C12orf75: variants seen among roughly 807,000 people sequenced by gnomAD.
C12orf75 encodes the protein overexpressed in colon carcinoma 1 protein.
In C12orf75, 4 loss-of-function variants were observed where a neutral mutation model predicts 11.4. That is an observed-to-expected ratio of 0.35 (90% CI 0.17 to 0.80). The LOEUF (loss-of-function observed/expected upper bound fraction) is 0.80. Ranked by LOEUF, C12orf75 falls within the 30% of genes least tolerant of loss-of-function variation. The pLI is 0.52. For synonymous variants in C12orf75, 30 were observed against 30.0 expected (o/e 1.00, Z 0.00); for missense variants, 89 against 80.4 (o/e 1.11, Z -0.41).
chr12:105,361,980 C>T (rs562058245), intron 2 of C12orf75, among the ~76,000 whole-genome samples: 5 of 152,278 alleles, frequency 3.3e-5, no homozygotes, highest in East Asian at 3.9e-4. Flanking sequence ...ACAAGATCTG[C>T]GAAGATTGAT....
intron 2 of C12orf75, among the ~76,000 whole-genome samples, chr12:105,352,622 A>C: frequency 6.6e-6 from 1 of 152,056 alleles, no homozygotes; most frequent in Non-Finnish European, 1.5e-5. Context: ...GTCTTTTTTT[A>C]AAAATTATTT....
At chr12:105,341,151 A>G (rs756920494) in intron 1 of C12orf75, among the ~76,000 whole-genome samples, 3 of 152,250 alleles carry the variant, frequency 2.0e-5, no homozygotes, top group Admixed American at 6.5e-5. Flanking sequence ...ATTAAACTGT[A>G]TACCTGGAGT....
intron 1 of C12orf75, among the ~76,000 whole-genome samples, chr12:105,343,979 A>T (rs1355286592): frequency 6.6e-6 from 1 of 152,070 alleles, no homozygotes; most frequent in Non-Finnish European, 1.5e-5. Flanking sequence ...TTTAGAACAG[A>T]GGGAATGGTC....
intron 1 of C12orf75, among the ~76,000 whole-genome samples, chr12:105,338,134 T>A (rs1892519166): frequency 6.6e-6 from 1 of 152,190 alleles, no homozygotes; most frequent in Non-Finnish European, 1.5e-5. Flanking sequence ...GTGCACTAAC[T>A]TATGCCTGTA....
chr12:105,361,324 C>G (rs1331470548), intron 2 of C12orf75, among the ~76,000 whole-genome samples: 5 of 152,156 alleles, frequency 3.3e-5, no homozygotes, highest in Non-Finnish European at 5.9e-5. Flanking sequence ...ATGTTGATTC[C>G]TTAAAATGGT....
chr12:105,345,177 C>A (rs1892622854), intron 1 of C12orf75, among the ~76,000 whole-genome samples: 1 of 152,008 alleles, frequency 6.6e-6, no homozygotes, highest in Non-Finnish European at 1.5e-5. Flanking sequence ...AGTAAGATAC[C>A]AACATGACAG....
intron 2 of C12orf75, among the ~76,000 whole-genome samples, chr12:105,354,949 TC>T (rs1267114947): frequency 1.3e-5 from 2 of 151,996 alleles, no homozygotes; most frequent in Admixed American, 1.3e-4. Flanking sequence ...AAAGCAGCCT[TC>T]TTGGGAATGA....
intron 1 of C12orf75, among the ~76,000 whole-genome samples, chr12:105,346,360 C>G (rs1374283025): frequency 1.3e-5 from 2 of 152,184 alleles, no homozygotes. Flanking sequence ...TTGATTGAGA[C>G]CTATCTCAAT....
At chr12:105,366,442 C>T in intron 3 of C12orf75, 175 bp from the exon 4 acceptor site, 1 of 399,046 alleles carries the variant, frequency 2.5e-6, no homozygotes, top group Admixed American at 4.2e-5. Flanking sequence ...AAAATAGCTT[C>T]TTTTTAACCT....
intron 1 of C12orf75, among the ~76,000 whole-genome samples, chr12:105,338,857 A>G (rs1204351713): frequency 6.6e-6 from 1 of 152,176 alleles, no homozygotes; most frequent in African/African-American, 2.4e-5. Flanking sequence ...AACACCTCCC[A>G]TTAGACCCCA....
chr12:105,353,538 T>G (rs1365909742), intron 2 of C12orf75: 1 of 152,012 alleles, frequency 6.6e-6, no homozygotes, highest in Admixed American at 6.5e-5. Context: ...GAGGGGTGAT[T>G]CCCCACGGAA....
chr12:105,346,640 A>C (rs1021478144), intron 1 of C12orf75, among the ~76,000 whole-genome samples: 3 of 152,252 alleles, frequency 2.0e-5, no homozygotes, highest in African/African-American at 7.2e-5. Flanking sequence ...GAAAGGAACT[A>C]AGATTATTAC....
At chr12:105,343,096 C>G (rs1892593540) in intron 1 of C12orf75, among the ~76,000 whole-genome samples, 1 of 152,124 alleles carries the variant, frequency 6.6e-6, no homozygotes, top group African/African-American at 2.4e-5. Context: ...GAGAACAAAC[C>G]TTTCCCCTCT....
Position 105,370,811 on chromosome 12 carries a change from C to A in C12orf75, c.*211C>A. 1 of 426,450 alleles carries A rather than the reference C, an allele frequency of 2.3e-6. No homozygotes were observed. The highest frequency in any genetic ancestry group is 4.8e-6 in the Non-Finnish European group (1 of 208,408). The allele number at this position is 426,450 out of a possible 1,614,324, so 26.4% of individuals were successfully genotyped here. A position where few individuals can be genotyped will look rare whatever the true frequency, so the allele number is the denominator to read the frequency against. On this transcript the variant is annotated 3_prime_UTR_variant, in exon 6 of 6. Transcript: ENST00000443585. ...ATAGAAGGGAATTGGTTAAACAGTA[C>A]ACTTGTTTATGGAACTTTCTGTGGC...
At chr12:105,366,133 C>G in intron 3 of C12orf75, 1 of 414,066 alleles carries the variant, frequency 2.4e-6, no homozygotes, top group Non-Finnish European at 4.3e-6. Context: ...TTCATTCTCT[C>G]AGCCTTCCCT....
chr12:105,333,772 ATAT>A (rs1360362746), intron 1 of C12orf75, among the ~76,000 whole-genome samples: 17 of 152,328 alleles, frequency 1.1e-4, no homozygotes, highest in Middle Eastern at 3.4e-3. Flanking sequence ...CTATATAATA[ATAT>A]TATTATCACC....
At chr12:105,335,827 A>G (rs1487312067) in intron 1 of C12orf75, among the ~76,000 whole-genome samples, 2 of 149,542 alleles carry the variant, frequency 1.3e-5, no homozygotes, top group African/African-American at 4.9e-5. Flanking sequence ...ACCAGTTTCC[A>G]CATTTTAAAT....
chr12:105,361,751 C>T (rs1321085921), intron 2 of C12orf75, among the ~76,000 whole-genome samples: 1 of 152,128 alleles, frequency 6.6e-6, no homozygotes, highest in Non-Finnish European at 1.5e-5. Flanking sequence ...GATGCTGTGT[C>T]CCTTTGAACA....
chr12:105,361,603 G>T (rs1892866815), intron 2 of C12orf75, among the ~76,000 whole-genome samples: 1 of 152,140 alleles, frequency 6.6e-6, no homozygotes, highest in South Asian at 2.1e-4. Context: ...CAATCGCATT[G>T]GCCTGTCAGG....
Sources: gnomAD v4.1 joint callset for allele counts (sites outside exome capture counted in the v4.1 genomes callset) on GRCh38, gnomAD v4.1.1 for gene constraint, MANE v1.5 for transcripts, NCBI Gene and HGNC (gene_info 2026-07-23, HGNC 2026-07-21) for gene names.